TTC39B: variants seen among roughly 807,000 people sequenced by gnomAD.
TTC39B encodes tetratricopeptide repeat protein 39B.
Under a neutral mutation model 96.6 loss-of-function variants are expected in TTC39B, and 92 were observed. The observed-to-expected ratio is 0.95, with a 90% CI of 0.80 to 1.13. TTC39B has a LOEUF of 1.13. TTC39B is among the 50% of genes most tolerant of loss of function. TTC39B has a pLI of 0.00. For synonymous variants in TTC39B, 367 were observed against 299.4 expected, an observed-to-expected ratio of 1.23 and a Z score of -2.33; for missense variants, 955 against 809.3, an observed-to-expected ratio of 1.18 and a Z score of -2.18.
chr9:15,238,991 A>T (rs1821914487), intron 2 of TTC39B, among the ~76,000 whole-genome samples: 1 of 152,164 alleles, frequency 6.6e-6, no homozygotes, highest in African/African-American at 2.4e-5. Flanking sequence ...TCTCAAAAAT[A>T]AGAAAGTATT....
At position 15,201,706 on chromosome 9, in the gene TTC39B, C is replaced by G. The variant is rs528284790; in HGVS notation, c.760-1781G>C. ...GTTAAGAAAGCTACCTCCAGCCATGCTACTCAAGTATGCAAACCCGTCAGT... is the reference window on the plus strand; with the variant it reads ...GTTAAGAAAGCTACCTCCAGCCATGGTACTCAAGTATGCAAACCCGTCAGT... On this transcript the variant is annotated intron_variant, in intron 7 of 19. Coordinates refer to ENST00000512701, the Ensembl canonical transcript of TTC39B. Among the ~76,000 whole-genome samples the G allele has an allele frequency of 9.2e-5, 14 of 152,282 alleles. No homozygotes were observed. The South Asian group carries it at 2.1e-3, about 23-fold the overall frequency.
intron 2 of TTC39B, among the ~76,000 whole-genome samples, chr9:15,264,842 G>A (rs758002763): frequency 4.0e-5 from 6 of 151,424 alleles, no homozygotes; most frequent in African/African-American, 7.3e-5. Context: ...TGATAGTCAC[G>A]AATCAAAAGC....
chr9:15,285,576 C>T (rs536341429), intron 1 of TTC39B, among the ~76,000 whole-genome samples: 4 of 152,128 alleles, frequency 2.6e-5, no homozygotes, highest in African/African-American at 7.2e-5. Flanking sequence ...ATATACAGGC[C>T]GGGAGCGGTG....
chr9:15,286,401 T>A lies in TTC39B; in HGVS notation c.241-18453A>T, dbSNP rs946556460. ...CCTCATTTAAAGCTTCTCTGATGTT[T>A]CCTTGTGATTCGAGTCAGGTTAGAC... On this transcript the variant is annotated intron_variant, in intron 1 of 19. Coordinates refer to ENST00000512701, the Ensembl canonical transcript of TTC39B. 3.9e-5 allele frequency among the ~76,000 whole-genome samples: 6 copies of A among 152,216 alleles called. No homozygotes were observed. The East Asian group carries it at 1.2e-3, about 29-fold the overall frequency.
At chr9:15,187,418 T>G (rs903815854) in intron 14 of TTC39B, among the ~76,000 whole-genome samples, 3 of 152,210 alleles carry the variant, frequency 2.0e-5, no homozygotes, top group Admixed American at 6.5e-5. Flanking sequence ...CATAACTTTA[T>G]AAGTACAACT....
rs72700630 is a variant in TTC39B, at chr9:15,206,754, T to C, written c.692-2864A>G. 4.7e-3 allele frequency among the ~76,000 whole-genome samples: 710 copies of C among 152,308 alleles called. 16 individuals carry two copies. Among genetic ancestry groups the C allele is most frequent in the East Asian group, 6.0e-3 (31 of 5,178 alleles). On this transcript the variant is annotated intron_variant, in intron 6 of 19. Transcript: ENST00000512701. ...GTCACAAGTTTATTAGTTTATTTTT[T>C]TTATTTATGTAGAGACAGGTTCTTG... is the stretch of plus-strand genomic sequence containing the variant.
chr9:15,233,213 A>T (rs1232433972), intron 2 of TTC39B, among the ~76,000 whole-genome samples: 6 of 152,006 alleles, frequency 3.9e-5, no homozygotes, highest in Non-Finnish European at 8.8e-5. Context: ...GTGAGAGAAA[A>T]CTGGTTCGAG....
chr9:15,296,319 C>T (rs1462170040), intron 1 of TTC39B, among the ~76,000 whole-genome samples: 1 of 152,204 alleles, frequency 6.6e-6, no homozygotes, highest in African/African-American at 2.4e-5. Flanking sequence ...CCACCCACTG[C>T]ATTTCAGTTT....
chr9:15,210,588 C>A (rs1341860559), intron 5 of TTC39B, among the ~76,000 whole-genome samples: 3 of 152,308 alleles, frequency 2.0e-5, no homozygotes, highest in Non-Finnish European at 2.9e-5. Context: ...ACCTTCTGAT[C>A]ATGAACCTTC....
intron 3 of TTC39B, 103 bp from the exon 4 acceptor site, chr9:15,214,352 G>C (rs978405426): frequency 1.3e-6 from 1 of 771,052 alleles, no homozygotes; most frequent in Non-Finnish European, 2.1e-6. Flanking sequence ...GTGTGTCTGT[G>C]TGTGTGTGTC....
intron 1 of TTC39B, among the ~76,000 whole-genome samples, chr9:15,271,284 G>A (rs373839239): frequency 1.3e-5 from 2 of 152,098 alleles, no homozygotes; most frequent in Admixed American, 6.6e-5. Flanking sequence ...ATTGGAGTCC[G>A]CACACTGTGA....
At chr9:15,206,962 T>C (rs1819897286) in intron 6 of TTC39B, among the ~76,000 whole-genome samples, 1 of 152,188 alleles carries the variant, frequency 6.6e-6, no homozygotes, top group African/African-American at 2.4e-5. Context: ...TCCCATGCTG[T>C]TCTCATGACA....
At chr9:15,280,766 A>G (rs1823732116) in intron 1 of TTC39B, among the ~76,000 whole-genome samples, 1 of 152,188 alleles carries the variant, frequency 6.6e-6, no homozygotes, top group South Asian at 2.1e-4. Flanking sequence ...TAATATATTG[A>G]GAACTTAGCT....
At chr9:15,197,237 C>G (rs568365723) in intron 8 of TTC39B, among the ~76,000 whole-genome samples, 1 of 152,286 alleles carries the variant, frequency 6.6e-6, no homozygotes, top group South Asian at 2.1e-4. Flanking sequence ...GTCTTTGCCT[C>G]TACAGTCCTA....
chr9:15,164,990 C>T (rs1817491917), exon 20 of TTC39B: 1 of 152,148 alleles, frequency 6.6e-6, no homozygotes, highest in Non-Finnish European at 1.5e-5. Flanking sequence ...AAAAACAAAA[C>T]ACTCTATAGA....
At chr9:15,214,712 G>C (rs1471522682) in intron 3 of TTC39B, among the ~76,000 whole-genome samples, 2 of 152,082 alleles carry the variant, frequency 1.3e-5, no homozygotes, top group Non-Finnish European at 2.9e-5. Flanking sequence ...CTTTGAACCT[G>C]TTATAACATC....
At chr9:15,205,844 G>A (rs1819817930) in intron 6 of TTC39B, among the ~76,000 whole-genome samples, 1 of 152,044 alleles carries the variant, frequency 6.6e-6, no homozygotes, top group Non-Finnish European at 1.5e-5. Context: ...CGGGGCGGAG[G>A]GGACTGTGCT....
chr9:15,194,174 T>C (rs992730368), intron 8 of TTC39B, among the ~76,000 whole-genome samples: 8 of 152,206 alleles, frequency 5.3e-5, no homozygotes, highest in African/African-American at 1.9e-4. Context: ...TTGTAATAAT[T>C]TTCAAATTAT....
intron 8 of TTC39B, among the ~76,000 whole-genome samples, chr9:15,197,433 G>A (rs1053812435): frequency 2.0e-5 from 3 of 152,192 alleles, no homozygotes; most frequent in Admixed American, 2.0e-4. Flanking sequence ...AGGATTTTCA[G>A]TGAAAGTACC....
Sources: allele counts gnomAD v4.1 joint callset (sites outside exome capture counted in the v4.1 genomes callset), GRCh38; gene constraint gnomAD v4.1.1; transcripts MANE v1.5; gene names NCBI Gene and HGNC (gene_info 2026-07-23, HGNC 2026-07-21).